The following MICAL3 variants were observed in gnomAD, a reference collection of about 807,000 sequenced individuals.
MICAL3 encodes the protein microtubule associated monooxygenase, calponin and LIM domain containing 3.
MICAL3 carries 62 observed loss-of-function variants against 207.4 expected under a neutral mutation model. That is an observed-to-expected ratio of 0.30 (90% CI 0.24 to 0.37). The LOEUF is 0.37. Among genes scored for constraint, MICAL3 ranks in the 10% least tolerant of loss-of-function variants. The probability of loss-of-function intolerance (pLI) is 1.00; values close to 1 mark genes in which losing one functional copy is unlikely to be tolerated. For missense variants in MICAL3, 2,368 were observed against 2,635.6 expected (o/e 0.90, Z 2.22); for synonymous variants, 1,077 against 1,069.3 (o/e 1.01, Z -0.14).
intron 1 of MICAL3, among the ~76,000 whole-genome samples, chr22:17,919,826 G>A (rs1183139574): frequency 1.3e-5 from 2 of 152,218 alleles, no homozygotes; most frequent in African/African-American, 4.8e-5. Flanking sequence ...AGGACCTGGA[G>A]GCAGCTTTGT....
At chr22:17,995,428 T>C (rs916637728) in intron 1 of MICAL3, among the ~76,000 whole-genome samples, 6 of 151,558 alleles carry the variant, frequency 4.0e-5, no homozygotes, top group Middle Eastern at 3.4e-3. Context: ...ACTCCTACCT[T>C]GGCCCAGCCT....
At chr22:17,827,050 C>T (rs1283873147) in intron 22 of MICAL3, among the ~76,000 whole-genome samples, 3 of 152,178 alleles carry the variant, frequency 2.0e-5, no homozygotes, top group South Asian at 2.1e-4. Flanking sequence ...GATGGCACAG[C>T]GGCCACCACG....
intron 16 of MICAL3, among the ~76,000 whole-genome samples, chr22:17,873,080 C>G (rs1388540374): frequency 6.6e-6 from 1 of 152,200 alleles, no homozygotes; most frequent in Non-Finnish European, 1.5e-5. Context: ...GGCAGGACGG[C>G]TGCAGGGGAA....
chr22:17,830,427 T>C (rs746953027), intron 21 of MICAL3, among the ~76,000 whole-genome samples: 3 of 152,176 alleles, frequency 2.0e-5, no homozygotes, highest in Non-Finnish European at 2.9e-5. Flanking sequence ...TAAGTCTGCG[T>C]GAAGGAAAGC....
intron 1 of MICAL3, among the ~76,000 whole-genome samples, chr22:17,996,271 C>G (rs1922263654): frequency 6.6e-6 from 1 of 151,344 alleles, no homozygotes; most frequent in Non-Finnish European, 1.5e-5. Flanking sequence ...AACCTTGTCT[C>G]TACTAAAAAA....
At chr22:17,915,231 A>G (rs1044944100) in intron 1 of MICAL3, among the ~76,000 whole-genome samples, 7 of 152,128 alleles carry the variant, frequency 4.6e-5, no homozygotes, top group African/African-American at 9.7e-5. Flanking sequence ...CCAACCCAAC[A>G]CTCTGCTTAG....
intron 10 of MICAL3, among the ~76,000 whole-genome samples, chr22:17,894,796 CAAAAAAAAA>C (rs549154429): frequency 8.9e-5 from 7 of 78,324 alleles, no homozygotes; most frequent in Non-Finnish European, 1.8e-4. Flanking sequence ...GATTCCATCT[CAAAAAAAAA>C]AAAAAAAAAA....
intron 1 of MICAL3, among the ~76,000 whole-genome samples, chr22:17,940,138 T>C (rs1179818439): frequency 6.6e-6 from 1 of 152,252 alleles, no homozygotes; most frequent in African/African-American, 2.4e-5. Flanking sequence ...TTATTTTCAA[T>C]GTATCAATCA....
chr22:17,910,407 T>C (rs550026041), intron 1 of MICAL3, among the ~76,000 whole-genome samples: 4 of 152,328 alleles, frequency 2.6e-5, no homozygotes, highest in South Asian at 2.1e-4. Context: ...GCTTCACTAA[T>C]AACTGTCCCC....
At chr22:17,809,890 T>A (rs2062025366) in intron 28 of MICAL3, among the ~76,000 whole-genome samples, 1 of 151,904 alleles carries the variant, frequency 6.6e-6, no homozygotes, top group African/African-American at 2.4e-5. Flanking sequence ...CCTTTTTTTT[T>A]TTATTTTTAT....
chr22:17,916,268 C>T (rs1932512170), intron 1 of MICAL3, among the ~76,000 whole-genome samples: 1 of 152,102 alleles, frequency 6.6e-6, no homozygotes, highest in Non-Finnish European at 1.5e-5. Context: ...TCGCTGAAGC[C>T]AGCCTCTGCC....
intron 25 of MICAL3, among the ~76,000 whole-genome samples, chr22:17,820,771 T>C (rs1921496038): frequency 6.6e-6 from 1 of 150,642 alleles, no homozygotes; most frequent in Non-Finnish European, 1.5e-5. Flanking sequence ...AAATTTATTT[T>C]TAATAAAATA....
At chr22:18,023,942 T>C (rs1435042943) in intron 1 of MICAL3, among the ~76,000 whole-genome samples, 1 of 152,220 alleles carries the variant, frequency 6.6e-6, no homozygotes, top group African/African-American at 2.4e-5. Context: ...ACGCTCTTCC[T>C]TTGCCTGCGG....
intron 1 of MICAL3, among the ~76,000 whole-genome samples, chr22:17,914,793 A>G (rs1349244711): frequency 6.6e-6 from 1 of 152,250 alleles, no homozygotes; most frequent in African/African-American, 2.4e-5. Context: ...CTAAGCAACT[A>G]AAACAGTGCT....
At chr22:17,888,939 G>T in intron 13 of MICAL3, 95 bp downstream of exon 13, 3 of 771,686 alleles carry the variant, frequency 3.9e-6, no homozygotes, top group Non-Finnish European at 6.2e-6. Context: ...CTTTGTGTTT[G>T]GTGGCACTGC....
intron 16 of MICAL3, chr22:17,876,757 A>AGGTGAG (rs1928430894): frequency 1.5e-5 from 1 of 66,054 alleles, no homozygotes; most frequent in Non-Finnish European, 3.3e-5. Context: ...AGGGAGGTTA[A>AGGTGAG]GGAGGTTAGG....
intron 1 of MICAL3, among the ~76,000 whole-genome samples, chr22:18,012,097 TG>T (rs1202734393): frequency 6.6e-6 from 1 of 151,928 alleles, no homozygotes; most frequent in East Asian, 1.9e-4. Context: ...TAGCCAGGTA[TG>T]GTGGCGGGAG....
At position 17,841,464 on chromosome 22, in the gene MICAL3, C is replaced by T. The variant is rs1923998856; in HGVS notation, c.2801+358G>A. 2 of 460,544 alleles carry T rather than the reference C, an allele frequency of 4.3e-6. No homozygotes were observed. The highest frequency in any genetic ancestry group is 7.8e-6 in the Non-Finnish European group (2 of 257,920). The allele number at this position is 460,544 out of a possible 1,614,324, so 28.5% of individuals were successfully genotyped here. On this transcript the variant is annotated intron_variant, in intron 20 of 31. Coordinates refer to ENST00000441493, the MANE Select transcript of MICAL3 (RefSeq NM_015241.3). This position sits in a 1 kb window ranked among gnomAD's most constrained non-coding sequence, Gnocchi z 4.2. ...GCCTCCCTCAAGACGGCCCGGTGCACTGGTGGCTGAATCACCCAGAGTCCC... is the reference window on the plus strand; with the variant it reads ...GCCTCCCTCAAGACGGCCCGGTGCATTGGTGGCTGAATCACCCAGAGTCCC...
intron 19 of MICAL3, among the ~76,000 whole-genome samples, chr22:17,848,550 T>G (rs1313520093): frequency 6.6e-6 from 1 of 152,196 alleles, no homozygotes; most frequent in Non-Finnish European, 1.5e-5. Flanking sequence ...TTCACTCCTA[T>G]CTTGCTTTGA....
Sources: allele counts gnomAD v4.1 joint callset (sites outside exome capture counted in the v4.1 genomes callset), GRCh38; gene constraint gnomAD v4.1.1; non-coding constraint Gnocchi (gnomAD v3.1); transcripts MANE v1.5; gene names NCBI Gene and HGNC (gene_info 2026-07-23, HGNC 2026-07-21).